The following SLIT3 variants were observed in gnomAD, a reference collection of about 807,000 sequenced individuals.
The protein encoded by SLIT3 is slit homolog 3 protein.
A neutral mutation model predicts 184.0 loss-of-function variants in SLIT3; 68 were observed. The ratio of observed to expected loss-of-function variants is 0.37; its 90% CI spans 0.30 to 0.45. The LOEUF (loss-of-function observed/expected upper bound fraction) is 0.45, where lower values mean the gene tolerates loss of function less well. Ranked by LOEUF, SLIT3 falls within the 20% of genes least tolerant of loss-of-function variation. The pLI is 1.00. For synonymous variants in SLIT3, 831 were observed against 828.6 expected, an observed-to-expected ratio of 1.00 and a Z score of -0.05; for missense variants, 1,707 against 2,026.0, an observed-to-expected ratio of 0.84 and a Z score of 3.02.
chr5:168,890,478 T>C (rs1039734068), intron 4 of SLIT3, among the ~76,000 whole-genome samples: 2 of 152,192 alleles, frequency 1.3e-5, no homozygotes, highest in African/African-American at 4.8e-5. Context: ...CATAGAATAA[T>C]CTTCTGATCA....
intron 9 of SLIT3, among the ~76,000 whole-genome samples, chr5:168,802,049 G>C (rs1756783365): frequency 6.6e-6 from 1 of 151,730 alleles, no homozygotes; most frequent in Admixed American, 6.6e-5. Flanking sequence ...TGAGAATAGG[G>C]AGTGGAGAGC....
At chr5:169,165,991 A>G (rs930045278) in intron 4 of SLIT3, among the ~76,000 whole-genome samples, 1 of 152,232 alleles carries the variant, frequency 6.6e-6, no homozygotes. Context: ...AGAGGTAGGC[A>G]CTATTCATAT....
chr5:168,712,286 T>C lies in SLIT3; in HGVS notation c.2552A>G (p.His851Arg), dbSNP rs370863665. ...GSFNDLTSLS[H>R]LALGTNPLHC... ...GGGGAGAAACACTGCTACTTACAGA[T>C]GGGAAAGAGATGTGAGGTCGTTGAA... Residue 851 changes from histidine to arginine, a missense_variant, in exon 24 of 36, where the codon CAT becomes CGT. Transcript: ENST00000519560. 1.2e-6 allele frequency: 2 copies of C among 1,613,280 alleles called. No individual in the cohort carries two copies. The highest frequency in any genetic ancestry group is 1.7e-6 in the Non-Finnish European group (2 of 1,179,204).
chr5:169,274,619 TTGGCAAGCC>T (rs1415371191), intron 1 of SLIT3, among the ~76,000 whole-genome samples: 1 of 152,182 alleles, frequency 6.6e-6, no homozygotes, highest in African/African-American at 2.4e-5. Context: ...GGAACTGGAT[TTGGCAAGCC>T]TGGAAAAGCA....
At chr5:168,970,655 T>G (rs60722245) in intron 4 of SLIT3, among the ~76,000 whole-genome samples, 6,032 of 152,294 alleles carry the variant, frequency 0.04, 157 homozygotes, top group Middle Eastern at 0.065. Flanking sequence ...TAGCAAGTTA[T>G]GGCATTTGTT....
Position 168,666,217 on chromosome 5 carries a change from G to A in SLIT3, c.*237C>T. On this transcript the variant is annotated 3_prime_UTR_variant, in exon 36 of 36. Transcript: ENST00000519560. ...ACTTGGTAAAAATAACTCACTATAT[G>A]GTACATATACGCAGATGGTGTAATA... 2.7e-6 allele frequency: 1 copy of A among 369,032 alleles called. No individual in the cohort carries two copies. The highest frequency in any genetic ancestry group is 4.8e-6 in the Non-Finnish European group (1 of 209,682). The allele number at this position is 369,032 out of a possible 1,614,324, so 22.9% of individuals were successfully genotyped here. A position where few individuals can be genotyped will look rare whatever the true frequency, so the allele number is the denominator to read the frequency against.
chr5:169,174,596 T>C (rs1762916566), intron 4 of SLIT3, among the ~76,000 whole-genome samples: 2 of 152,188 alleles, frequency 1.3e-5, no homozygotes, highest in African/African-American at 4.8e-5. Flanking sequence ...GTTGGGAAGA[T>C]AAATTGAGGA....
intron 4 of SLIT3, among the ~76,000 whole-genome samples, chr5:169,081,123 A>AAGGCCTGGGTC (rs1483896074): frequency 6.6e-6 from 1 of 152,140 alleles, no homozygotes; most frequent in Admixed American, 6.5e-5. Context: ...ACAATCACGA[A>AAGGCCTGGGTC]AGGCCTGGGT....
At chr5:168,769,681 AG>A in intron 14 of SLIT3, among the ~76,000 whole-genome samples, 1 of 152,176 alleles carries the variant, frequency 6.6e-6, no homozygotes, top group East Asian at 1.9e-4. Flanking sequence ...GTACAAGAGC[AG>A]GGGAAATCCA....
At chr5:169,098,177 GTTAA>G (rs1175175935) in intron 4 of SLIT3, among the ~76,000 whole-genome samples, 3 of 152,014 alleles carry the variant, frequency 2.0e-5, no homozygotes, top group Non-Finnish European at 4.4e-5. Context: ...ATGCCTTAGA[GTTAA>G]TTATTCAGTC....
At chr5:169,197,596 T>G (rs1404993160) in intron 3 of SLIT3, among the ~76,000 whole-genome samples, 2 of 152,084 alleles carry the variant, frequency 1.3e-5, no homozygotes, top group South Asian at 4.1e-4. Flanking sequence ...GGTCCAGAGG[T>G]GGAGATCTCC....
At chr5:168,971,042 G>A (rs538139630) in intron 4 of SLIT3, among the ~76,000 whole-genome samples, 1 of 152,186 alleles carries the variant, frequency 6.6e-6, no homozygotes, top group Non-Finnish European at 1.5e-5. Context: ...CAGGCCAGAT[G>A]TTACTCTAGA....
At chr5:168,910,602 C>T (rs530737544) in intron 4 of SLIT3, among the ~76,000 whole-genome samples, 19 of 151,876 alleles carry the variant, frequency 1.3e-4, no homozygotes, top group African/African-American at 3.4e-4. Flanking sequence ...AAAAATTAGC[C>T]GCGTGTGGTG....
intron 8 of SLIT3, among the ~76,000 whole-genome samples, chr5:168,816,140 A>G (rs1298599000): frequency 3.3e-5 from 5 of 152,206 alleles, no homozygotes; most frequent in Non-Finnish European, 7.3e-5. Flanking sequence ...GGAAGGTGCC[A>G]ATGCAAAGTA....
At chr5:168,674,126 C>G (rs1006459725) in intron 32 of SLIT3, among the ~76,000 whole-genome samples, 3 of 152,206 alleles carry the variant, frequency 2.0e-5, no homozygotes, top group Admixed American at 2.0e-4. Context: ...AAGGTCACCT[C>G]AGGTACCACC....
chr5:169,187,793 A>C (rs1763407316), intron 4 of SLIT3, among the ~76,000 whole-genome samples: 1 of 151,732 alleles, frequency 6.6e-6, no homozygotes, highest in Non-Finnish European at 1.5e-5. Context: ...GCTTCAAGTG[A>C]TCAGCCCGCC....
intron 24 of SLIT3, 77 bp downstream of exon 24, chr5:168,712,206 A>C: frequency 7.9e-7 from 1 of 1,260,980 alleles, no homozygotes. Context: ...CAAAATGCTG[A>C]CAGTGATGAC....
chr5:169,173,821 G>C (rs78214845), intron 4 of SLIT3, among the ~76,000 whole-genome samples: 3,240 of 152,302 alleles, frequency 0.021, 132 homozygotes, highest in African/African-American at 0.073. Flanking sequence ...CAGCGCTCCT[G>C]CTGGCTGAAG....
At position 169,142,461 on chromosome 5, in the gene SLIT3, T is replaced by G. The variant is rs542522199; in HGVS notation, c.413+51018A>C. ...TTCAGGCCCACAAATCACTCAGGTG[T>G]TGGGTCACTGCCCACTGGATTCAGC... On this transcript the variant is annotated intron_variant, in intron 4 of 35. Coordinates refer to ENST00000519560, the MANE Select transcript of SLIT3 (RefSeq NM_003062.4). Among the ~76,000 whole-genome samples, 14 of 152,232 alleles carry G rather than the reference T, an allele frequency of 9.2e-5. No individual in the cohort carries two copies. In the East Asian group the frequency reaches 2.7e-3, roughly 29 times the overall value.
Sources: gnomAD v4.1 joint callset for allele counts (sites outside exome capture counted in the v4.1 genomes callset) on GRCh38, gnomAD v4.1.1 for gene constraint, MANE v1.5 for transcripts, NCBI Gene and HGNC (gene_info 2026-07-23, HGNC 2026-07-21) for gene names.